The following NF2 variants were observed in gnomAD, a reference collection of about 807,000 sequenced individuals.
The protein encoded by NF2 is NF2, moesin-ezrin-radixin like (MERLIN) tumor suppressor.
A neutral mutation model predicts 83.7 loss-of-function variants in NF2; 8 were observed. The ratio of observed to expected loss-of-function variants is 0.10; its 90% confidence interval spans 0.06 to 0.17. NF2 has a LOEUF of 0.17. Among genes scored for constraint, NF2 ranks in the 10% least tolerant of loss-of-function variants. NF2 has a pLI of 1.00. For synonymous variants in NF2, 266 were observed against 269.6 expected (o/e 0.99, Z 0.13); for missense variants, 533 against 744.4 (o/e 0.72, Z 3.31).
chr22:29,660,187 C>T (rs1245031963), intron 7 of NF2, among the ~76,000 whole-genome samples: 2 of 152,154 alleles, frequency 1.3e-5, no homozygotes, highest in Admixed American at 6.5e-5. Flanking sequence ...CCACTCAGTC[C>T]GTCGCAGGTT....
At chr22:29,676,129 A>G (rs1312067023) in intron 13 of NF2, among the ~76,000 whole-genome samples, 2 of 152,002 alleles carry the variant, frequency 1.3e-5, no homozygotes, top group Non-Finnish European at 2.9e-5. Context: ...AACTGGGCTG[A>G]ACACCTGAGA....
chr22:29,617,357 C>T (rs1275396637), intron 1 of NF2, among the ~76,000 whole-genome samples: 1 of 152,120 alleles, frequency 6.6e-6, no homozygotes, highest in Non-Finnish European at 1.5e-5. Context: ...GTTTTTCAAC[C>T]CTGGCACTAT....
At chr22:29,608,811 C>T (rs1401065412) in intron 1 of NF2, 1 of 261,252 alleles carries the variant, frequency 3.8e-6, no homozygotes, top group East Asian at 8.1e-5. Context: ...CAAGAAGAGA[C>T]ACTATCTGAA....
Position 29,632,891 on chromosome 22 carries a change from A to G in NF2, c.115-3860A>G, listed in dbSNP as rs79894362. On this transcript the variant is annotated intron_variant, in intron 1 of 15. Coordinates refer to ENST00000338641, the MANE Select transcript of NF2 (RefSeq NM_000268.4). ...TCACAGCATCAGCATGGTATAGTGGATGAGTGATGACACTGAAGATGAGCT... is the reference window on the plus strand; with the variant it reads ...TCACAGCATCAGCATGGTATAGTGGGTGAGTGATGACACTGAAGATGAGCT... Among the ~76,000 whole-genome samples the G allele has an allele frequency of 8.8e-3, 1,340 of 152,290 alleles. 15 individuals are homozygous for G. Among genetic ancestry groups the G allele is most frequent in the African/African-American group, 0.03 (1,242 of 41,546 alleles).
At chr22:29,658,313 T>A in intron 7 of NF2, 49 bp downstream of exon 7, 1 of 1,499,270 alleles carries the variant, frequency 6.7e-7, no homozygotes, top group Non-Finnish European at 9.3e-7. Context: ...AGAGACTGAG[T>A]GAGGGCCAGA....
chr22:29,649,625 C>A, intron 4 of NF2, among the ~76,000 whole-genome samples: 1 of 151,910 alleles, frequency 6.6e-6, no homozygotes, highest in Non-Finnish European at 1.5e-5. Context: ...GCCTGTAATC[C>A]CAGCTACTCA....
chr22:29,613,959 A>G (rs2065018891), intron 1 of NF2, among the ~76,000 whole-genome samples: 1 of 150,328 alleles, frequency 6.7e-6, no homozygotes, highest in African/African-American at 2.4e-5. Context: ...GGGTTCCACT[A>G]TGTTGGCCAG....
chr22:29,604,228 T>G lies in NF2; in HGVS notation c.114+116T>G, dbSNP rs2064724010. 2.8e-5 allele frequency: 23 copies of G among 831,086 alleles called. 1 individual carries two copies. In the South Asian group the frequency reaches 3.3e-4, roughly 12 times the overall value. 51.5% of individuals were successfully genotyped at this position (831,086 alleles called of 1,614,324 possible). A position where few individuals can be genotyped will look rare whatever the true frequency, so the allele number is the denominator to read the frequency against. On this transcript the variant is annotated intron_variant, in intron 1 of 15. Coordinates refer to ENST00000338641, the MANE Select transcript of NF2 (RefSeq NM_000268.4). The stretch of plus-strand genomic sequence containing the variant: ...GACGGGCAGAACCGGAAGGGCCAAC[T>G]AGGCCCAAAACCTCATGTTAAAGAT...
At chr22:29,628,136 TAA>T (rs911195346) in intron 1 of NF2, among the ~76,000 whole-genome samples, 1 of 129,682 alleles carries the variant, frequency 7.7e-6, no homozygotes, top group Non-Finnish European at 1.6e-5. Flanking sequence ...CTGGGAGACT[TAA>T]TCTGTGTGTG....
chr22:29,653,479 T>C (rs1389348519), intron 4 of NF2, among the ~76,000 whole-genome samples: 1 of 151,648 alleles, frequency 6.6e-6, no homozygotes, highest in Non-Finnish European at 1.5e-5. Context: ...AAATTAATTC[T>C]CTTAAGATTC....
intron 1 of NF2, among the ~76,000 whole-genome samples, chr22:29,616,308 T>G (rs981777023): frequency 7.9e-5 from 12 of 152,112 alleles, no homozygotes; most frequent in Non-Finnish European, 1.6e-4. Flanking sequence ...ATGGGTGAAT[T>G]TTAGGGTATA....
chr22:29,679,499 A>G (rs1406345101), intron 14 of NF2, among the ~76,000 whole-genome samples: 2 of 152,192 alleles, frequency 1.3e-5, no homozygotes, highest in African/African-American at 4.8e-5. Context: ...TATAGTTTGT[A>G]TTTTGTTACT....
chr22:29,646,342 C>T (rs186974819), intron 4 of NF2, among the ~76,000 whole-genome samples: 92 of 152,256 alleles, frequency 6.0e-4, no homozygotes, highest in African/African-American at 2.1e-3. Context: ...GTCCAGGCTG[C>T]CTAAGTTAGC....
intron 1 of NF2, among the ~76,000 whole-genome samples, chr22:29,622,809 C>T (rs539768119): frequency 9.9e-5 from 15 of 151,798 alleles, no homozygotes; most frequent in Non-Finnish European, 1.6e-4. Context: ...GTGTGCACCA[C>T]CACACATGGC....
At chr22:29,612,708 A>G (rs1474105371) in intron 1 of NF2, among the ~76,000 whole-genome samples, 2 of 152,212 alleles carry the variant, frequency 1.3e-5, no homozygotes, top group South Asian at 2.1e-4. Flanking sequence ...TTCATGGATC[A>G]TAAGACATAA....
rs1231195011 is a variant in NF2 at position 29,669,745 on chromosome 22, T to C, written c.999+1299T>C. 2.0e-5 allele frequency among the ~76,000 whole-genome samples: 3 copies of C among 152,108 alleles called. No homozygotes were observed. In the East Asian group the frequency reaches 5.8e-4, roughly 29 times the overall value. ...AACCTGGCATCTGGGCAACCACAGA[T>C]CAGGTGGACAGACACTGACCTTGGA... On this transcript the variant is annotated intron_variant, in intron 10 of 15. Transcript: ENST00000338641.
intron 10 of NF2, 134 bp from the exon 11 acceptor site, chr22:29,671,692 C>T (rs775384932): frequency 1.1e-5 from 14 of 1,274,958 alleles, no homozygotes; most frequent in Non-Finnish European, 1.4e-5. Context: ...TAAGAATGAC[C>T]CTGGCTACCT....
Position 29,636,626 on chromosome 22 carries a change from C to T in NF2, c.115-125C>T. ...GAAGCTTTAAAATTATTTAGGAATT[C>T]AGTCCTCATCAGCTGTCTTAGTGTC... On this transcript the variant is annotated intron_variant, in intron 1 of 15. Transcript: ENST00000338641. The surrounding 1 kb of genome is among the most constrained non-coding windows in gnomAD (Gnocchi z 4.4). 1.6e-6 allele frequency: 2 copies of T among 1,212,258 alleles called. No individual in the cohort carries two copies. The highest frequency in any genetic ancestry group is 4.7e-5 in the East Asian group (2 of 42,784). The allele number at this position is 1,212,258 out of a possible 1,614,324, so 75.1% of individuals were successfully genotyped here.
At chr22:29,670,720 T>G (rs2066759628) in intron 10 of NF2, among the ~76,000 whole-genome samples, 1 of 152,178 alleles carries the variant, frequency 6.6e-6, no homozygotes, top group Non-Finnish European at 1.5e-5. Context: ...CACAGAGGAA[T>G]GGCACTGTCT....
Sources: allele counts gnomAD v4.1 joint callset (sites outside exome capture counted in the v4.1 genomes callset), GRCh38; gene constraint gnomAD v4.1.1; non-coding constraint Gnocchi (gnomAD v3.1); transcripts MANE v1.5; gene names NCBI Gene and HGNC (gene_info 2026-07-23, HGNC 2026-07-21).